The following ATRNL1 variants were observed in gnomAD, a reference collection of about 807,000 sequenced individuals.
The protein encoded by ATRNL1 is attractin like 1.
A neutral mutation model predicts 182.7 loss-of-function variants in ATRNL1; 95 were observed. That is an observed-to-expected ratio of 0.52 (90% CI 0.44 to 0.62). The LOEUF is 0.62. Among genes scored for constraint, ATRNL1 ranks in the 20% least tolerant of loss-of-function variants. The pLI is 0.00. For synonymous variants in ATRNL1, 576 were observed against 568.3 expected (o/e 1.01, Z -0.19); for missense variants, 1,471 against 1,679.5 (o/e 0.88, Z 2.17).
intron 24 of ATRNL1, among the ~76,000 whole-genome samples, chr10:115,501,899 A>C (rs1270444155): frequency 6.6e-6 from 1 of 152,084 alleles, no homozygotes; most frequent in Middle Eastern, 3.2e-3. Context: ...TTTACATATC[A>C]AAATCTTCAA....
intron 17 of ATRNL1, among the ~76,000 whole-genome samples, chr10:115,306,669 T>C (rs1853747650): frequency 6.6e-6 from 1 of 152,160 alleles, no homozygotes; most frequent in Admixed American, 6.5e-5. Flanking sequence ...CTCTTTACTC[T>C]TGTTGCAAAT....
intron 19 of ATRNL1, among the ~76,000 whole-genome samples, chr10:115,350,336 AAAAAAAAAAG>A (rs1211019959): frequency 7.5e-5 from 6 of 80,070 alleles, no homozygotes; most frequent in Non-Finnish European, 1.4e-4. Context: ...CTCTGTCTCA[AAAAAAAAAAG>A]AAAAAAAAAA....
chr10:115,833,104 T>G (rs1453416959), intron 27 of ATRNL1, among the ~76,000 whole-genome samples: 1 of 152,178 alleles, frequency 6.6e-6, no homozygotes, highest in Non-Finnish European at 1.5e-5. Context: ...GCAGGAAAGT[T>G]AAATATATTT....
intron 28 of ATRNL1, among the ~76,000 whole-genome samples, chr10:115,903,962 G>A (rs1370434049): frequency 1.3e-5 from 2 of 152,136 alleles, no homozygotes; most frequent in East Asian, 1.9e-4. Context: ...ATGTGCAAGA[G>A]CTTTACTGGG....
intron 22 of ATRNL1, among the ~76,000 whole-genome samples, chr10:115,462,617 T>A (rs982300235): frequency 2.0e-5 from 3 of 152,014 alleles, no homozygotes; most frequent in South Asian, 2.1e-4. Flanking sequence ...TCTCAAAAAA[T>A]AAATAAATAA....
At chr10:115,468,706 T>C (rs1848172543) in intron 23 of ATRNL1, among the ~76,000 whole-genome samples, 3 of 150,782 alleles carry the variant, frequency 2.0e-5, no homozygotes, top group Non-Finnish European at 4.5e-5. Flanking sequence ...CATTTTTTAA[T>C]TGGATTGAGA....
chr10:115,426,511 C>T (rs1845903831), intron 21 of ATRNL1, among the ~76,000 whole-genome samples: 1 of 152,024 alleles, frequency 6.6e-6, no homozygotes, highest in Non-Finnish European at 1.5e-5. Flanking sequence ...AGTAAAATAG[C>T]AATAGATTTT....
At chr10:115,189,143 T>C (rs1372691158) in intron 8 of ATRNL1, among the ~76,000 whole-genome samples, 1 of 152,128 alleles carries the variant, frequency 6.6e-6, no homozygotes, top group Non-Finnish European at 1.5e-5. Flanking sequence ...GCTGTCAAAA[T>C]GTCATAGTGC....
At chr10:115,444,306 T>C (rs1459642408) in intron 21 of ATRNL1, among the ~76,000 whole-genome samples, 3 of 151,830 alleles carry the variant, frequency 2.0e-5, no homozygotes, top group Non-Finnish European at 4.4e-5. Context: ...CAGTGTAGAG[T>C]TGTTTTTCTT....
At chr10:115,284,876 A>G (rs1554918158) in intron 14 of ATRNL1, among the ~76,000 whole-genome samples, 1 of 152,210 alleles carries the variant, frequency 6.6e-6, no homozygotes, top group Non-Finnish European at 1.5e-5. Context: ...TTGTTATGAA[A>G]TATTAAAACA....
chr10:115,752,126 C>G (rs1555070780), intron 27 of ATRNL1, among the ~76,000 whole-genome samples: 1 of 151,890 alleles, frequency 6.6e-6, no homozygotes, highest in African/African-American at 2.4e-5. Context: ...ATGAGAATTT[C>G]CTAATTTACA....
chr10:115,627,062 AATCAACC>A (rs1858153948), intron 26 of ATRNL1, among the ~76,000 whole-genome samples: 1 of 152,186 alleles, frequency 6.6e-6, no homozygotes, highest in South Asian at 2.1e-4. Context: ...AAAACTTGAA[AATCAACC>A]ATTTTAAACA....
At chr10:115,262,431 A>G (rs575311851) in intron 10 of ATRNL1, among the ~76,000 whole-genome samples, 37 of 152,156 alleles carry the variant, frequency 2.4e-4, no homozygotes, top group African/African-American at 8.4e-4. Context: ...TAAGTTGCAA[A>G]AAGATTGAAG....
intron 26 of ATRNL1, among the ~76,000 whole-genome samples, chr10:115,720,561 A>G (rs1459813190): frequency 1.3e-5 from 2 of 152,184 alleles, no homozygotes; most frequent in Non-Finnish European, 2.9e-5. Context: ...TAATATTGAC[A>G]ATTTCCAGAG....
At chr10:115,379,249 C>T (rs1857851183) in intron 19 of ATRNL1, among the ~76,000 whole-genome samples, 1 of 152,110 alleles carries the variant, frequency 6.6e-6, no homozygotes, top group African/African-American at 2.4e-5. Context: ...TTCATAGGTG[C>T]TGGTTCAGCA....
At chr10:115,366,561 A>G (rs1554945991) in intron 19 of ATRNL1, among the ~76,000 whole-genome samples, 2 of 151,072 alleles carry the variant, frequency 1.3e-5, no homozygotes, top group Non-Finnish European at 2.9e-5. Flanking sequence ...TCCTGTCATT[A>G]TGATGTTAGC....
intron 1 of ATRNL1, among the ~76,000 whole-genome samples, chr10:115,107,369 C>T (rs1554866282): frequency 6.6e-6 from 1 of 152,224 alleles, no homozygotes; most frequent in African/African-American, 2.4e-5. Context: ...GTCCAGAACC[C>T]AACAGAACAA....
In ATRNL1 at chr10:115,888,435, T is replaced by C. The variant is rs183124752; in HGVS notation, c.4018+40444T>C. Among the ~76,000 whole-genome samples the C allele has an allele frequency of 1.2e-3, 177 of 152,314 alleles. 8 individuals carry two copies. The highest frequency in any genetic ancestry group is 0.01 in the Admixed American group (157 of 15,304). On this transcript the variant is annotated intron_variant, in intron 28 of 28. Coordinates refer to ENST00000355044, the MANE Select transcript of ATRNL1 (RefSeq NM_207303.4). ...TTCAGGGCCAGAAGATGATAGGTGATGTCTTACAGGTCCTTACCGCTCTGG... is the reference window on the plus strand; with the variant it reads ...TTCAGGGCCAGAAGATGATAGGTGACGTCTTACAGGTCCTTACCGCTCTGG...
chr10:115,854,858 C>CAAAT (rs1301118608), intron 28 of ATRNL1, among the ~76,000 whole-genome samples: 1 of 152,110 alleles, frequency 6.6e-6, no homozygotes, highest in African/African-American at 2.4e-5. Context: ...ATTCTTATTC[C>CAAAT]CTCCATGCTT....
Sources: allele counts gnomAD v4.1 joint callset (sites outside exome capture counted in the v4.1 genomes callset), GRCh38; gene constraint gnomAD v4.1.1; transcripts MANE v1.5; gene names NCBI Gene and HGNC (gene_info 2026-07-23, HGNC 2026-07-21).